Variants in CEP76 observed in about 807,000 individuals in gnomAD.
CEP76 encodes centrosomal protein 76.
A neutral mutation model predicts 83.3 loss-of-function variants in CEP76; 55 were observed. That is an observed-to-expected ratio of 0.66 (90% CI 0.53 to 0.83). The LOEUF is 0.83. CEP76 is among the 40% of genes least tolerant of loss of function. The pLI, the probability that CEP76 is intolerant of heterozygous loss-of-function variation, is 0.00. For synonymous variants in CEP76, 270 were observed against 274.5 expected (o/e 0.98, Z 0.16); for missense variants, 694 against 799.5 (o/e 0.87, Z 1.59).
chr18:12,698,895 AC>A (rs1375088463), intron 4 of CEP76, 83 bp downstream of exon 4: 5 of 985,360 alleles, frequency 5.1e-6, no homozygotes, highest in Non-Finnish European at 7.5e-6. Flanking sequence ...ATCTCTCCTT[AC>A]AGAAAAAGTC....
downstream of CEP76, among the ~76,000 whole-genome samples, chr18:12,672,374 C>G (rs2038970916): frequency 6.6e-6 from 1 of 152,154 alleles, no homozygotes; most frequent in Admixed American, 6.6e-5. Flanking sequence ...CCTCGGCCTC[C>G]CAAAGTGCTG....
At chr18:12,687,531 GCAA>G (rs2039584075) in intron 7 of CEP76, among the ~76,000 whole-genome samples, 1 of 148,690 alleles carries the variant, frequency 6.7e-6, no homozygotes, top group African/African-American at 2.5e-5. Context: ...TCGGCTCGCT[GCAA>G]CCTCCGCCCA....
chr18:12,692,443 C>A (rs1176683772), intron 6 of CEP76: 1 of 152,498 alleles, frequency 6.6e-6, no homozygotes, highest in African/African-American at 2.4e-5. Flanking sequence ...CCCCAACCCA[C>A]TACGCTCTAG....
chr18:12,697,494 A>T, intron 4 of CEP76, 86 bp from the exon 5 acceptor site: 1 of 923,222 alleles, frequency 1.1e-6, no homozygotes, highest in Non-Finnish European at 1.6e-6. Flanking sequence ...AACAGTAAAT[A>T]ATAAGCTTAT....
chr18:12,669,371 CA>C, downstream of CEP76, among the ~76,000 whole-genome samples: 1 of 152,096 alleles, frequency 6.6e-6, no homozygotes, highest in East Asian at 1.9e-4. Flanking sequence ...CTTGGCCTTC[CA>C]AAGTGCTGGG....
intron 11 of CEP76, among the ~76,000 whole-genome samples, chr18:12,673,951 G>C (rs971203560): frequency 6.6e-6 from 1 of 152,120 alleles, no homozygotes; most frequent in Admixed American, 6.6e-5. Flanking sequence ...TTTTGGTCAA[G>C]CTATTCAAAT....
chr18:12,687,452 CA>C (rs2039578957), intron 7 of CEP76, among the ~76,000 whole-genome samples: 2 of 149,884 alleles, frequency 1.3e-5, no homozygotes, highest in Admixed American at 1.3e-4. Context: ...TAGAAGGCAT[CA>C]ATTTTTTTTT....
At chr18:12,681,473 C>T (rs959041093) in intron 8 of CEP76, among the ~76,000 whole-genome samples, 1 of 151,982 alleles carries the variant, frequency 6.6e-6, no homozygotes, top group African/African-American at 2.4e-5. Context: ...TGCTCTTGAA[C>T]TCCTGGGCTC....
At chr18:12,678,528 G>A (rs1037393252) in intron 9 of CEP76, 86 bp from the exon 10 acceptor site, 1 of 836,310 alleles carries the variant, frequency 1.2e-6, no homozygotes, top group Non-Finnish European at 1.8e-6. Context: ...AACACTTAAG[G>A]CCATAACTAC....
chr18:12,666,749 A>AC (rs200803732), intron 12 of CEP76, among the ~76,000 whole-genome samples: 3,300 of 144,252 alleles, frequency 0.023, 117 homozygotes, highest in African/African-American at 0.074. Flanking sequence ...ACACCCGGCC[A>AC]AAAAAAAAAA....
Position 12,695,652 on chromosome 18 carries a change from A to G in CEP76, c.707-301T>C, listed in dbSNP as rs138189213. On this transcript the variant is annotated intron_variant, in intron 5 of 11. Coordinates refer to ENST00000262127, the MANE Select transcript of CEP76 (RefSeq NM_024899.4). ...TCTTAAACTCCAGGGCTCAAGTGAT[A>G]TTCCTGCCTCAGCCTTCCAAAGTGC... Among the ~76,000 whole-genome samples, 1,259 of 152,162 alleles carry G rather than the reference A, an allele frequency of 8.3e-3. 16 individuals carry two copies. Among genetic ancestry groups the G allele is most frequent in the African/African-American group, 0.028 (1,178 of 41,500 alleles).
Position 12,686,328 on chromosome 18 carries a change from A to G in CEP76, c.1056T>C (p.Pro352=). Residue 352 remains proline, a synonymous_variant, in exon 8 of 12, where the codon CCT becomes CCC. Coordinates refer to ENST00000262127, the MANE Select transcript of CEP76 (RefSeq NM_024899.4). ...CCTGTTTACCTCCTCCTCCAATAAC[A>G]GGGGCTCGTTCATAACCAAGGACAT... The part of the protein sequence containing the change: ...FVNVLGYERA[P]VIGGGGKQEQ... 6.2e-7 allele frequency: 1 copy of G among 1,614,000 alleles called. No individual in the cohort carries two copies. The highest frequency in any genetic ancestry group is 1.6e-4 in the Middle Eastern group (1 of 6,062).
chr18:12,671,040 G>A (rs1173574156), downstream of CEP76: 4 of 152,032 alleles, frequency 2.6e-5, no homozygotes, highest in African/African-American at 9.7e-5. Flanking sequence ...AATTGTAGAA[G>A]AGGGATCATA....
intron 12 of CEP76, among the ~76,000 whole-genome samples, chr18:12,663,013 T>G (rs928017650): frequency 6.6e-6 from 1 of 152,188 alleles, no homozygotes; most frequent in Non-Finnish European, 1.5e-5. Context: ...TTAAGAAGAT[T>G]TGACTTGGAA....
chr18:12,675,039 T>C (rs1168319649), intron 10 of CEP76, among the ~76,000 whole-genome samples: 1 of 152,150 alleles, frequency 6.6e-6, no homozygotes, highest in Non-Finnish European at 1.5e-5. Context: ...CAAAATACTA[T>C]ATGAAATAGT....
intron 4 of CEP76, chr18:12,698,713 A>C (rs1043656456): frequency 7.3e-6 from 3 of 412,578 alleles, no homozygotes; most frequent in Non-Finnish European, 1.3e-5. Context: ...CTAGCATAAC[A>C]CTATGCACAT....
At chr18:12,687,504 A>G (rs2039582674) in intron 7 of CEP76, among the ~76,000 whole-genome samples, 1 of 140,350 alleles carries the variant, frequency 7.1e-6, no homozygotes, top group Non-Finnish European at 1.5e-5. Flanking sequence ...TCCAGGCTGG[A>G]GTGCAGTAGT....
chr18:12,702,633 A>G lies in CEP76; in HGVS notation c.-85T>C. 1 of 1,437,458 alleles carries G rather than the reference A, an allele frequency of 7.0e-7. No individual in the cohort carries two copies. The highest frequency in any genetic ancestry group is 9.3e-7 in the Non-Finnish European group (1 of 1,071,392). 89.0% of individuals were successfully genotyped at this position (1,437,458 alleles called of 1,614,324 possible). On this transcript the variant is annotated 5_prime_UTR_variant, in exon 1 of 12. Transcript: ENST00000262127. ...CCCGGCCGGGCCAGGGAGCGTTAGG[A>G]GCGACTGGAGCACAAAGCGCCGCAG... is the stretch of plus-strand genomic sequence containing the variant.
intron 4 of CEP76, 39 bp from the exon 5 acceptor site, chr18:12,697,447 TATTC>T (rs1382406206): frequency 4.4e-6 from 6 of 1,363,522 alleles, no homozygotes; most frequent in Admixed American, 4.0e-5. Context: ...CCACACTACA[TATTC>T]AGTTAGGCCA....
Sources: allele counts gnomAD v4.1 joint callset (sites outside exome capture counted in the v4.1 genomes callset), GRCh38; gene constraint gnomAD v4.1.1; transcripts MANE v1.5; gene names NCBI Gene and HGNC (gene_info 2026-07-23, HGNC 2026-07-21).